ATF7: variants seen among roughly 807,000 people sequenced by gnomAD.
The protein encoded by ATF7 is activating transcription factor 7.
A neutral mutation model predicts 50.4 loss-of-function variants in ATF7; 10 were observed. That is an observed-to-expected ratio of 0.20 (90% CI 0.12 to 0.34). The LOEUF (loss-of-function observed/expected upper bound fraction) is 0.34. Ranked by LOEUF, ATF7 falls within the 10% of genes least tolerant of loss-of-function variation. ATF7 has a pLI of 1.00. For synonymous variants in ATF7, 201 were observed against 226.4 expected (o/e 0.89, Z 1.01); for missense variants, 465 against 613.9 (o/e 0.76, Z 2.56).
intron 2 of ATF7, among the ~76,000 whole-genome samples, chr12:53,589,478 T>C (rs1397962646): frequency 6.6e-6 from 1 of 152,222 alleles, no homozygotes; most frequent in Admixed American, 6.5e-5. Flanking sequence ...GTACCTTATA[T>C]AAACACATTT....
In ATF7 at chr12:53,524,821, A is replaced by G; in HGVS notation, c.928-60T>C. ...GGAACATTAATCCTTTCCAAATCAC[A>G]CCTGATGTTAGGTAGAGTAGTAAGA... On this transcript the variant is annotated intron_variant, in intron 9 of 11. Coordinates refer to ENST00000420353, the MANE Select transcript of ATF7 (RefSeq NM_006856.3). The surrounding 1 kb of genome is among the most constrained non-coding windows in gnomAD (Gnocchi z 4.6). 1 of 1,397,628 alleles carries G rather than the reference A, an allele frequency of 7.2e-7. No homozygotes were observed. The highest frequency in any genetic ancestry group is 1.4e-5 in the South Asian group (1 of 71,574). 86.6% of individuals were successfully genotyped at this position (1,397,628 alleles called of 1,614,324 possible). A position where few individuals can be genotyped will look rare whatever the true frequency, so the allele number is the denominator to read the frequency against.
At chr12:53,605,917 G>C (rs1314662481) in intron 1 of ATF7, among the ~76,000 whole-genome samples, 3 of 152,106 alleles carry the variant, frequency 2.0e-5, no homozygotes, top group Non-Finnish European at 4.4e-5. Context: ...CTTAACTTCA[G>C]GTTTCTGCAG....
At chr12:53,587,919 T>G (rs1942791823) in intron 2 of ATF7, among the ~76,000 whole-genome samples, 2 of 148,714 alleles carry the variant, frequency 1.3e-5, no homozygotes, top group South Asian at 4.3e-4. Flanking sequence ...CGATCTAAGC[T>G]CACTGCAACC....
chr12:53,558,444 C>T (rs759535345), intron 2 of ATF7, among the ~76,000 whole-genome samples: 14 of 152,080 alleles, frequency 9.2e-5, no homozygotes, highest in Non-Finnish European at 1.6e-4. Flanking sequence ...TCCAAACTGC[C>T]AACACATGTT....
Position 53,524,494 on chromosome 12 carries a change from C to G in ATF7, c.1125+70G>C. 1 of 1,539,890 alleles carries G rather than the reference C, an allele frequency of 6.5e-7. No homozygotes were observed. The highest frequency in any genetic ancestry group is 8.9e-7 in the Non-Finnish European group (1 of 1,123,876). On this transcript the variant is annotated intron_variant, in intron 10 of 11. Coordinates refer to ENST00000420353, the MANE Select transcript of ATF7 (RefSeq NM_006856.3). The surrounding 1 kb of genome is among the most constrained non-coding windows in gnomAD (Gnocchi z 4.6). Reference sequence around the variant, plus strand: ...ATTACCATCTTCTATCAAATTGTACCACTTTTTTCTGATTCCATCCCACTT... The same window carrying G: ...ATTACCATCTTCTATCAAATTGTACGACTTTTTTCTGATTCCATCCCACTT...
chr12:53,594,480 T>C (rs1943070196), intron 2 of ATF7, among the ~76,000 whole-genome samples: 1 of 152,144 alleles, frequency 6.6e-6, no homozygotes, highest in African/African-American at 2.4e-5. Flanking sequence ...AAATATAACA[T>C]GAAAAACAAA....
At chr12:53,534,475 C>T in intron 6 of ATF7, 27 bp downstream of exon 6, 1 of 1,613,376 alleles carries the variant, frequency 6.2e-7, no homozygotes, top group Non-Finnish European at 8.5e-7. Flanking sequence ...GCAGCCTTCA[C>T]TACTTCTCCC....
intron 3 of ATF7, among the ~76,000 whole-genome samples, chr12:53,549,747 G>C (rs1251740437): frequency 1.3e-5 from 2 of 152,018 alleles, no homozygotes; most frequent in African/African-American, 4.8e-5. Flanking sequence ...CACCACGCCT[G>C]GCTAATTTTT....
At chr12:53,601,050 T>A in intron 1 of ATF7, 29 bp from the exon 2 acceptor site, 3 of 1,516,770 alleles carry the variant, frequency 2.0e-6, no homozygotes, top group Non-Finnish European at 2.7e-6. Context: ...GGGAAAAAGT[T>A]ATGTTAAATA....
intron 3 of ATF7, among the ~76,000 whole-genome samples, chr12:53,549,313 C>A (rs1439111225): frequency 2.7e-5 from 4 of 150,758 alleles, no homozygotes; most frequent in Non-Finnish European, 4.4e-5. Context: ...GAAAAAAATA[C>A]CCCCCAAAAC....
chr12:53,609,592 G>A (rs1172491943), intron 1 of ATF7, among the ~76,000 whole-genome samples: 1 of 150,786 alleles, frequency 6.6e-6, no homozygotes, highest in Non-Finnish European at 1.5e-5. Context: ...GTGGTAGTGA[G>A]CTATGATCAC....
At position 53,588,585 on chromosome 12, in the gene ATF7, G is replaced by A. The variant is rs533163727; in HGVS notation, c.48+12368C>T. Among the ~76,000 whole-genome samples the A allele has an allele frequency of 3.9e-5, 6 of 152,238 alleles. No individual in the cohort carries two copies. The South Asian group carries it at 1.2e-3, about 32-fold the overall frequency. On this transcript the variant is annotated intron_variant, in intron 2 of 11. Coordinates refer to ENST00000420353, the MANE Select transcript of ATF7 (RefSeq NM_006856.3). ...GCAAGATACCCATCCTTTGTATGTG[G>A]GAGCTTATGGGCATAAAACTAAGGC...
chr12:53,554,841 T>A (rs1406577548), intron 2 of ATF7, among the ~76,000 whole-genome samples: 6 of 106,790 alleles, frequency 5.6e-5, no homozygotes, highest in Non-Finnish European at 1.0e-4. Context: ...CCAGCCTGGG[T>A]GACAGAGGAA....
chr12:53,562,025 T>G, intron 2 of ATF7, among the ~76,000 whole-genome samples: 1 of 152,238 alleles, frequency 6.6e-6, no homozygotes, highest in East Asian at 1.9e-4. Context: ...TAAATTCATT[T>G]GTCTATGGAT....
Position 53,516,168 on chromosome 12 carries a change from CAT to C in ATF7, c.*967_*968del, listed in dbSNP as rs913619520. ...CTTTGGCCGGTAAACTCTTATAAAACATAAAGGAATCGATTAATCCCTAACTT... is the reference window on the plus strand; with the variant it reads ...CTTTGGCCGGTAAACTCTTATAAAACAAAGGAATCGATTAATCCCTAACTT... On this transcript the variant is annotated 3_prime_UTR_variant, in exon 12 of 12. Coordinates refer to ENST00000420353, the MANE Select transcript of ATF7 (RefSeq NM_006856.3). 6.6e-6 allele frequency: 1 copy of C among 152,154 alleles called. No individual in the cohort carries two copies. Among genetic ancestry groups the C allele is most frequent in the African/African-American group, 2.4e-5 (1 of 41,430 alleles). 9.4% of individuals were successfully genotyped at this position (152,154 alleles called of 1,614,324 possible). A position where few individuals can be genotyped will look rare whatever the true frequency, so the allele number is the denominator to read the frequency against.
At chr12:53,566,743 T>C (rs1173488176) in intron 2 of ATF7, among the ~76,000 whole-genome samples, 1 of 152,146 alleles carries the variant, frequency 6.6e-6, no homozygotes, top group East Asian at 1.9e-4. Flanking sequence ...TGACACAGTT[T>C]TTTTTTGTTT....
rs1391408696 is a variant in ATF7, at chr12:53,524,680, G to A, written c.1009C>T (p.Arg337Cys). The change falls in exon 10 of 12, where the codon CGC becomes TGC. Residue 337 changes from arginine (R) to cysteine (C), a missense_variant. Arg to Cys is a radical substitution (Grantham distance 180). Transcript: ENST00000420353. This position sits in a 1 kb window ranked among gnomAD's most constrained non-coding sequence, Gnocchi z 4.6. The stretch of plus-strand genomic sequence containing the variant: ...GCAGCCCGGTTGCGCTCCAGAAAGC[G>A]CTGCCGTCGCTCATCTGGATCTTCA... The part of the protein sequence containing the change: ...VDEDPDERRQ[R>C]FLERNRAAAS... The A allele has an allele frequency of 1.9e-6, 3 of 1,613,404 alleles. No homozygotes were observed. Among genetic ancestry groups the A allele is most frequent in the Non-Finnish European group, 2.5e-6 (3 of 1,179,866 alleles).
At chr12:53,557,320 G>A (rs1057504888) in intron 2 of ATF7, among the ~76,000 whole-genome samples, 1 of 151,974 alleles carries the variant, frequency 6.6e-6, no homozygotes, top group African/African-American at 2.4e-5. Flanking sequence ...CCCCACCCCA[G>A]CCTCCCGAGT....
At chr12:53,619,485 T>C (rs1156823899) in intron 1 of ATF7, among the ~76,000 whole-genome samples, 2 of 85,620 alleles carry the variant, frequency 2.3e-5, no homozygotes, top group Middle Eastern at 8.3e-3. Flanking sequence ...AGACTCCGTG[T>C]CAAAAAAAAA....
Sources: allele counts gnomAD v4.1 joint callset (sites outside exome capture counted in the v4.1 genomes callset), GRCh38; gene constraint gnomAD v4.1.1; non-coding constraint Gnocchi (gnomAD v3.1); transcripts MANE v1.5; gene names NCBI Gene and HGNC (gene_info 2026-07-23, HGNC 2026-07-21).